RFX4: variants seen among roughly 807,000 people sequenced by gnomAD.
RFX4 encodes the protein regulatory factor X4.
In RFX4, 10 loss-of-function variants were observed where a neutral mutation model predicts 95.0. That is an observed-to-expected ratio of 0.11 (90% CI 0.06 to 0.18). The LOEUF is 0.18. RFX4 is among the 10% of genes least tolerant of loss of function. The pLI, the probability that RFX4 is intolerant of heterozygous loss-of-function variation, is 1.00. For synonymous variants in RFX4, 321 were observed against 340.7 expected (o/e 0.94, Z 0.64); for missense variants, 640 against 922.0 (o/e 0.69, Z 3.96).
At chr12:106,606,053 C>T (rs2039826122) in intron 1 of RFX4, among the ~76,000 whole-genome samples, 1 of 152,182 alleles carries the variant, frequency 6.6e-6, no homozygotes, top group Non-Finnish European at 1.5e-5. Context: ...ACTGTGCTCT[C>T]TTGGCTTACC....
chr12:106,588,718 A>G (rs2039497491), intron 1 of RFX4, among the ~76,000 whole-genome samples: 1 of 152,122 alleles, frequency 6.6e-6, no homozygotes, highest in Admixed American at 6.5e-5. Context: ...CTACCTCTCA[A>G]TTATATGCCT....
intron 2 of RFX4, among the ~76,000 whole-genome samples, chr12:106,626,879 C>T (rs2040311540): frequency 1.3e-5 from 2 of 152,170 alleles, no homozygotes; most frequent in East Asian, 1.9e-4. Context: ...GAAATGACTC[C>T]ATCCTGTATC....
At chr12:106,688,595 G>T (rs1446682044) in intron 6 of RFX4, among the ~76,000 whole-genome samples, 12 of 152,082 alleles carry the variant, frequency 7.9e-5, no homozygotes, top group Non-Finnish European at 5.9e-5. Flanking sequence ...AAATGAACTT[G>T]TATCTGTAAA....
intron 6 of RFX4, among the ~76,000 whole-genome samples, chr12:106,688,393 T>C (rs1298248003): frequency 6.6e-6 from 1 of 151,984 alleles, no homozygotes; most frequent in Middle Eastern, 3.2e-3. Flanking sequence ...AATGCACCTA[T>C]TGATGCAACC....
Position 106,761,564 on chromosome 12 carries a change from C to A in RFX4, c.*95C>A. 1 of 903,980 alleles carries A rather than the reference C, an allele frequency of 1.1e-6. No homozygotes were observed. Among genetic ancestry groups the A allele is most frequent in the Non-Finnish European group, 1.4e-6 (1 of 698,036 alleles). 56.0% of individuals were successfully genotyped at this position (903,980 alleles called of 1,614,324 possible). A position where few individuals can be genotyped will look rare whatever the true frequency, so the allele number is the denominator to read the frequency against. ...TCCCCCAGAAGACTTTATCTCTATA[C>A]ATTGTAACTCATGGGCTATTCCTAA... On this transcript the variant is annotated 3_prime_UTR_variant, in exon 18 of 18. Coordinates refer to ENST00000392842, the MANE Select transcript of RFX4 (RefSeq NM_213594.3).
In RFX4 at chr12:106,761,566, T is replaced by C. The variant is rs796180779; in HGVS notation, c.*97T>C. On this transcript the variant is annotated 3_prime_UTR_variant, in exon 18 of 18. Coordinates refer to ENST00000392842, the MANE Select transcript of RFX4 (RefSeq NM_213594.3). ...CCCCAGAAGACTTTATCTCTATACA[T>C]TGTAACTCATGGGCTATTCCTAAGT... 1.3e-5 allele frequency: 12 copies of C among 906,062 alleles called. No individual in the cohort carries two copies. The African/African-American group carries it at 1.7e-4, about 13-fold the overall frequency. The allele number at this position is 906,062 out of a possible 1,614,324, so 56.1% of individuals were successfully genotyped here.
At chr12:106,726,858 G>A (rs151239853) in intron 13 of RFX4, among the ~76,000 whole-genome samples, 76 of 152,130 alleles carry the variant, frequency 5.0e-4, no homozygotes, top group African/African-American at 1.7e-3. Context: ...TGCAACCTCC[G>A]CCTCCTGGGT....
chr12:106,720,129 C>A lies in RFX4; in HGVS notation c.1233+75C>A. ...CTGCCCTCTGTGAACTTGGCCAAGA[C>A]AAAGCCCTATGGTAAGCTATCTGAA... On this transcript the variant is annotated intron_variant, in intron 12 of 17. Transcript: ENST00000392842. The surrounding 1 kb of genome is among the most constrained non-coding windows in gnomAD (Gnocchi z 4.2). 7.9e-7 allele frequency: 1 copy of A among 1,273,364 alleles called. No individual in the cohort carries two copies. Among genetic ancestry groups the A allele is most frequent in the Non-Finnish European group, 1.1e-6 (1 of 872,026 alleles). The allele number at this position is 1,273,364 out of a possible 1,614,324, so 78.9% of individuals were successfully genotyped here.
rs2039640513 is a variant in RFX4, at chr12:106,597,583, A to G, written c.44-11214A>G. 2.0e-5 allele frequency among the ~76,000 whole-genome samples: 3 copies of G among 152,358 alleles called. No homozygotes were observed. The South Asian group carries it at 6.2e-4, about 32-fold the overall frequency. ...ATACTACTCCGTTTTACAGATGAAG[A>G]ACCGAAGGCTCAAGGAGGTTGAGTC... On this transcript the variant is annotated intron_variant, in intron 1 of 17. Transcript: ENST00000392842.
chr12:106,596,651 G>C (rs2039624150), intron 1 of RFX4, among the ~76,000 whole-genome samples: 1 of 152,156 alleles, frequency 6.6e-6, no homozygotes, highest in Non-Finnish European at 1.5e-5. Context: ...CCAAACTGAG[G>C]TTTGTTGTTC....
chr12:106,584,194 T>C (rs1230949735), intron 1 of RFX4, among the ~76,000 whole-genome samples: 2 of 152,174 alleles, frequency 1.3e-5, no homozygotes, highest in East Asian at 3.9e-4. Context: ...ACACCCGGTA[T>C]CTCGGTTCTT....
Position 106,761,363 on chromosome 12 carries a change from T to A in RFX4, c.2102T>A (p.Met701Lys). 1.2e-6 allele frequency: 2 copies of A among 1,614,164 alleles called. No homozygotes were observed. Among genetic ancestry groups the A allele is most frequent in the Non-Finnish European group, 1.7e-6 (2 of 1,180,020 alleles). The part of the protein sequence containing the change: ...HSARYGNSSD[M>K]YTPLTTRRNS... ...GCGAGGTACGGAAACTCTAGTGACATGTATACACCTCTGACAACGCGCAGG... is the reference window on the plus strand; with the variant it reads ...GCGAGGTACGGAAACTCTAGTGACAAGTATACACCTCTGACAACGCGCAGG... Residue 701 changes from methionine (M) to lysine (K), a missense_variant, in exon 18 of 18, where the codon ATG (methionine) becomes AAG (lysine). By Grantham distance (95) the Met-to-Lys change is moderately conservative (BLOSUM62 -1). Coordinates refer to ENST00000392842, the MANE Select transcript of RFX4 (RefSeq NM_213594.3).
intron 8 of RFX4, among the ~76,000 whole-genome samples, chr12:106,700,805 TC>T (rs1180625890): frequency 6.6e-6 from 1 of 152,236 alleles, no homozygotes; most frequent in Non-Finnish European, 1.5e-5. Context: ...CTATTTGTCC[TC>T]CCATTTTTAT....
At chr12:106,625,335 G>C (rs746961422) in intron 2 of RFX4, among the ~76,000 whole-genome samples, 2 of 152,184 alleles carry the variant, frequency 1.3e-5, no homozygotes, top group African/African-American at 2.4e-5. Context: ...TTTTTTGATG[G>C]AATGCAGTTG....
intron 1 of RFX4, among the ~76,000 whole-genome samples, chr12:106,592,206 G>GAA (rs10710882): frequency 1.3e-5 from 2 of 150,814 alleles, no homozygotes; most frequent in African/African-American, 4.9e-5. Flanking sequence ...TAAGAATACT[G>GAA]AAAAAAAAAA....
intron 3 of RFX4, among the ~76,000 whole-genome samples, chr12:106,648,839 TG>T (rs2040805674): frequency 1.3e-5 from 2 of 152,010 alleles, no homozygotes; most frequent in African/African-American, 2.4e-5. Flanking sequence ...ATGAGGACAG[TG>T]GGAAATGATG....
At chr12:106,644,078 G>A (rs117435343) in intron 3 of RFX4, among the ~76,000 whole-genome samples, 3,679 of 152,072 alleles carry the variant, frequency 0.024, 72 homozygotes, top group Middle Eastern at 0.037. Flanking sequence ...ATATTGACCC[G>A]CAACCTGTTA....
intron 1 of RFX4, among the ~76,000 whole-genome samples, chr12:106,600,575 T>C (rs2039687316): frequency 6.6e-6 from 1 of 152,206 alleles, no homozygotes. Context: ...GATGAATGAA[T>C]GTGGGTTACC....
rs953171709 is a variant in RFX4, at chr12:106,758,053, T to A, written c.1936-3144T>A. Among the ~76,000 whole-genome samples the A allele has an allele frequency of 2.6e-5, 4 of 152,228 alleles. No homozygotes were observed. The South Asian group carries it at 6.2e-4, about 24-fold the overall frequency. On this transcript the variant is annotated intron_variant, in intron 17 of 17. Coordinates refer to ENST00000392842, the MANE Select transcript of RFX4 (RefSeq NM_213594.3). The stretch of plus-strand genomic sequence containing the variant: ...ACAGCATATGATTTGATCCAAAGAA[T>A]GGTAACTTGCTGTTATGGGCCCTCA...
Sources: allele counts gnomAD v4.1 joint callset (sites outside exome capture counted in the v4.1 genomes callset), GRCh38; gene constraint gnomAD v4.1.1; non-coding constraint Gnocchi (gnomAD v3.1); transcripts MANE v1.5; gene names NCBI Gene and HGNC (gene_info 2026-07-23, HGNC 2026-07-21).